Variants in FAM184A observed in about 807,000 individuals in gnomAD.
The protein encoded by FAM184A is protein FAM184A.
FAM184A carries 99 observed loss-of-function variants against 143.8 expected under a neutral mutation model. The observed-to-expected ratio is 0.69, with a 90% CI of 0.58 to 0.81. FAM184A has a LOEUF of 0.81. Among genes scored for constraint, FAM184A ranks in the 40% least tolerant of loss-of-function variants. The pLI is 0.00. For missense variants in FAM184A, 1,217 were observed against 1,310.5 expected (o/e 0.93, Z 1.10); for synonymous variants, 427 against 446.4 (o/e 0.96, Z 0.55).
chr6:119,147,064 GT>G (rs1202971153), intron 1 of FAM184A, among the ~76,000 whole-genome samples: 103 of 116,342 alleles, frequency 8.9e-4, no homozygotes, highest in East Asian at 2.0e-3. Context: ...GGCAGGCTCT[GT>G]TTTTTTTTTT....
At chr6:119,055,615 T>C (rs1786943268) in intron 1 of FAM184A, among the ~76,000 whole-genome samples, 1 of 152,240 alleles carries the variant, frequency 6.6e-6, no homozygotes, top group African/African-American at 2.4e-5. Context: ...CACTGTGTTT[T>C]TTATTTGCAT....
chr6:119,143,718 C>T lies in FAM184A; in HGVS notation c.-202+5360G>A, dbSNP rs935743895. ...GAAATAAGCCAGTCACAAAAGGACA[C>T]ACACTGTACGATCCCACTTGGATGA... On this transcript the variant is annotated intron_variant, in intron 1 of 16. Transcript: ENST00000352896. Among the ~76,000 whole-genome samples the T allele has an allele frequency of 7.9e-5, 12 of 152,294 alleles. No homozygotes were observed. The South Asian group carries it at 1.9e-3, about 24-fold the overall frequency.
chr6:119,059,215 A>G (rs1054541923), intron 1 of FAM184A, among the ~76,000 whole-genome samples: 10 of 152,136 alleles, frequency 6.6e-5, no homozygotes, highest in African/African-American at 1.9e-4. Context: ...CCTGGACTCA[A>G]GCAATCCTCC....
chr6:119,022,893 T>A (rs1785498414), intron 3 of FAM184A, 52 bp downstream of exon 3: 1 of 1,605,362 alleles, frequency 6.2e-7, no homozygotes. Flanking sequence ...AATAAATAAA[T>A]AAAGTGTTGA....
At chr6:119,131,827 C>T (rs1445740866) in intron 1 of FAM184A, among the ~76,000 whole-genome samples, 3 of 150,732 alleles carry the variant, frequency 2.0e-5, no homozygotes, top group African/African-American at 7.3e-5. Flanking sequence ...AAAATAAAAT[C>T]CTGTATTGTG....
At chr6:119,061,512 TGCCTG>T (rs1018515074) in intron 1 of FAM184A, among the ~76,000 whole-genome samples, 2 of 148,814 alleles carry the variant, frequency 1.3e-5, no homozygotes, top group African/African-American at 2.5e-5. Context: ...TGTGCTACCA[TGCCTG>T]GCTAATTATT....
chr6:119,106,236 C>T (rs1385969982), intron 1 of FAM184A, among the ~76,000 whole-genome samples: 1 of 86,952 alleles, frequency 1.2e-5, no homozygotes, highest in Non-Finnish European at 2.2e-5. Flanking sequence ...ACTAAAAATA[C>T]AAAAAATTAG....
chr6:119,103,845 T>C (rs1441987759), intron 1 of FAM184A, among the ~76,000 whole-genome samples: 1 of 149,940 alleles, frequency 6.7e-6, no homozygotes, highest in Non-Finnish European at 1.5e-5. Flanking sequence ...GAGAATTGCT[T>C]GAACCCAGGA....
chr6:119,062,502 T>C (rs931910706), intron 1 of FAM184A, among the ~76,000 whole-genome samples: 5 of 151,806 alleles, frequency 3.3e-5, no homozygotes, highest in Non-Finnish European at 7.4e-5. Context: ...CTATAAAAAA[T>C]ACAAAAATTA....
intron 1 of FAM184A, among the ~76,000 whole-genome samples, chr6:119,117,294 A>G (rs143794372): frequency 1.3e-5 from 2 of 152,350 alleles, no homozygotes; most frequent in South Asian, 2.1e-4. Flanking sequence ...TTTGGTGACC[A>G]TGTACATAGT....
At chr6:119,080,705 A>G (rs528998009), upstream of FAM184A, among the ~76,000 whole-genome samples, 3 of 152,304 alleles carry the variant, frequency 2.0e-5, no homozygotes, top group African/African-American at 7.2e-5. Context: ...AAATGTTCCA[A>G]TGAGCAGTTC....
intron 1 of FAM184A, among the ~76,000 whole-genome samples, chr6:119,025,901 T>G (rs1378346397): frequency 1.3e-5 from 2 of 152,200 alleles, no homozygotes; most frequent in African/African-American, 4.8e-5. Flanking sequence ...CTGCTGCCAT[T>G]TTTTGTAGAG....
intron 6 of FAM184A, chr6:119,009,463 CAT>C (rs1785026729): frequency 6.5e-6 from 1 of 154,866 alleles, no homozygotes; most frequent in Admixed American, 6.5e-5. Context: ...TGCTGCCATC[CAT>C]GTAAGATGTG....
At chr6:119,034,033 TATATATATAGAGAGAGAGAG>T (rs1226180685) in intron 1 of FAM184A, among the ~76,000 whole-genome samples, 2 of 25,222 alleles carry the variant, frequency 7.9e-5, no homozygotes, top group African/African-American at 1.5e-4. Flanking sequence ...TATATATATA[TATATATATAGAGAGAGAGAG>T]AGAGAGAGAG....
rs1413447036 is a variant in FAM184A at position 119,024,370 on chromosome 6, T to C, written c.603A>G (p.Leu201=). The C allele has an allele frequency of 5.0e-6, 8 of 1,614,086 alleles. No homozygotes were observed. The highest frequency in any genetic ancestry group is 2.7e-5 in the African/African-American group (2 of 74,940). The change falls in exon 2 of 18, where the codon CTA becomes CTG. Residue 201 remains leucine (L), a synonymous_variant. Transcript: ENST00000338891. The part of the protein sequence containing the change: ...QAAHRREIQE[L]LKSQQDHSAS... ...CACTGTGATCCTGCTGTGACTTCAATAGCTCTTGTATCTCCCGTCTGTGAG... is the reference window on the plus strand; with the variant it reads ...CACTGTGATCCTGCTGTGACTTCAACAGCTCTTGTATCTCCCGTCTGTGAG...
intron 1 of FAM184A, among the ~76,000 whole-genome samples, chr6:119,122,874 G>A (rs1021793787): frequency 2.2e-5 from 3 of 135,446 alleles, no homozygotes; most frequent in South Asian, 5.1e-4. Context: ...GCAGTAAGCC[G>A]AGATCATGCC....
At chr6:119,030,038 C>T (rs1456984352) in intron 1 of FAM184A, among the ~76,000 whole-genome samples, 2 of 151,988 alleles carry the variant, frequency 1.3e-5, no homozygotes, top group Non-Finnish European at 1.5e-5. Flanking sequence ...TGGTTTACTC[C>T]CTATTAAATA....
At chr6:118,996,345 T>C (rs1784546583) in intron 9 of FAM184A, among the ~76,000 whole-genome samples, 1 of 152,198 alleles carries the variant, frequency 6.6e-6, no homozygotes, top group African/African-American at 2.4e-5. Context: ...CCAATTAACT[T>C]TGAATTCAGG....
chr6:119,056,416 G>T (rs1786976938), intron 1 of FAM184A, among the ~76,000 whole-genome samples: 1 of 152,120 alleles, frequency 6.6e-6, no homozygotes, highest in East Asian at 1.9e-4. Flanking sequence ...GAAATAGACA[G>T]AAATTTCCCA....
Sources: gnomAD v4.1 joint callset for allele counts (sites outside exome capture counted in the v4.1 genomes callset) on GRCh38, gnomAD v4.1.1 for gene constraint, MANE v1.5 for transcripts, NCBI Gene and HGNC (gene_info 2026-07-23, HGNC 2026-07-21) for gene names.